Variants in SCARA5 observed in about 807,000 individuals in gnomAD.
SCARA5 encodes scavenger receptor class A, member 5 (putative).
A neutral mutation model predicts 46.3 loss-of-function variants in SCARA5; 45 were observed. The observed-to-expected ratio is 0.97, with a 90% CI of 0.76 to 1.24. The LOEUF is 1.24. Ranked by LOEUF, SCARA5 falls within the 50% of genes most tolerant of loss-of-function variation. The pLI is 0.00. For missense variants in SCARA5, 680 were observed against 689.0 expected, an observed-to-expected ratio of 0.99 and a Z score of 0.15; for synonymous variants, 333 against 306.5, an observed-to-expected ratio of 1.09 and a Z score of -0.90.
chr8:27,931,822 T>G (rs1382211141), intron 3 of SCARA5, among the ~76,000 whole-genome samples: 3 of 151,718 alleles, frequency 2.0e-5, no homozygotes, highest in African/African-American at 7.3e-5. Flanking sequence ...GCCTGGCTAA[T>G]TTTTGTATTT....
chr8:27,943,399 C>A (rs1380585539), intron 3 of SCARA5, among the ~76,000 whole-genome samples: 1 of 151,464 alleles, frequency 6.6e-6, no homozygotes, highest in Non-Finnish European at 1.5e-5. Flanking sequence ...GCACTGCACT[C>A]CAGCCTGGGT....
chr8:27,962,230 C>G (rs528558851), intron 3 of SCARA5, among the ~76,000 whole-genome samples: 1 of 152,286 alleles, frequency 6.6e-6, no homozygotes, highest in African/African-American at 2.4e-5. Flanking sequence ...ATTCACATAT[C>G]CTCATACAAG....
chr8:27,922,265 G>T lies in SCARA5; in HGVS notation c.242-20C>A. ...TGGACACTGCGGAGGAGGAAGAGGG[G>T]AGACTTGAGCACCGCTGGGGAGGAA... On this transcript the variant is annotated intron_variant, in intron 3 of 8. Coordinates refer to ENST00000354914, the MANE Select transcript of SCARA5 (RefSeq NM_173833.6). 1 of 1,499,236 alleles carries T rather than the reference G, an allele frequency of 6.7e-7. No individual in the cohort carries two copies. The highest frequency in any genetic ancestry group is 8.9e-7 in the Non-Finnish European group (1 of 1,123,232). The allele number at this position is 1,499,236 out of a possible 1,614,324, so 92.9% of individuals were successfully genotyped here.
At chr8:27,889,237 A>G (rs1806945186) in intron 7 of SCARA5, among the ~76,000 whole-genome samples, 3 of 152,204 alleles carry the variant, frequency 2.0e-5, no homozygotes, top group Non-Finnish European at 1.5e-5. Context: ...GCATTTTCTC[A>G]GGATATCACT....
chr8:27,988,386 A>G (rs1808736798), intron 1 of SCARA5, among the ~76,000 whole-genome samples: 1 of 152,204 alleles, frequency 6.6e-6, no homozygotes, highest in Admixed American at 6.5e-5. Context: ...GAGCATATAC[A>G]TTGACTTAGG....
At chr8:27,879,827 G>T in intron 7 of SCARA5, 61 bp from the exon 8 acceptor site, 2 of 1,545,402 alleles carry the variant, frequency 1.3e-6, no homozygotes, top group Non-Finnish European at 1.8e-6. Context: ...GCCCCCAGGG[G>T]CCTTCTTTGA....
intron 2 of SCARA5, among the ~76,000 whole-genome samples, chr8:27,967,345 C>A (rs904024905): frequency 6.6e-6 from 1 of 152,126 alleles, no homozygotes; most frequent in Non-Finnish European, 1.5e-5. Flanking sequence ...GCAGCAAATC[C>A]GGCCCCAGGA....
intron 3 of SCARA5, among the ~76,000 whole-genome samples, chr8:27,946,723 G>A (rs1019351334): frequency 2.6e-5 from 4 of 152,164 alleles, no homozygotes; most frequent in African/African-American, 9.7e-5. Flanking sequence ...GCACCACCAA[G>A]TGTGCCCAGG....
intron 3 of SCARA5, among the ~76,000 whole-genome samples, chr8:27,927,219 C>T (rs2129830899): frequency 6.6e-6 from 1 of 152,338 alleles, no homozygotes; most frequent in South Asian, 2.1e-4. Flanking sequence ...AAGGCCTGCT[C>T]ATCGGCTGCC....
At chr8:27,905,457 A>G (rs1395480245) in intron 6 of SCARA5, among the ~76,000 whole-genome samples, 1 of 147,114 alleles carries the variant, frequency 6.8e-6, no homozygotes, top group African/African-American at 2.5e-5. Context: ...GCCCATGGGC[A>G]TGCTGTCTGG....
intron 4 of SCARA5, among the ~76,000 whole-genome samples, chr8:27,913,505 C>T (rs1807411943): frequency 6.6e-6 from 1 of 152,238 alleles, no homozygotes; most frequent in Non-Finnish European, 1.5e-5. Context: ...TTCTTCTTTC[C>T]TGTCCCCCTT....
intron 5 of SCARA5, chr8:27,908,914 T>C (rs915654179): frequency 1.3e-5 from 2 of 152,192 alleles, no homozygotes; most frequent in Non-Finnish European, 2.9e-5. Context: ...AGGAAGCAGA[T>C]GGTTTGGAGG....
intron 1 of SCARA5, among the ~76,000 whole-genome samples, chr8:27,987,890 G>A (rs1264409601): frequency 1.3e-5 from 2 of 152,180 alleles, no homozygotes; most frequent in Non-Finnish European, 1.5e-5. Context: ...GGTGGGATGT[G>A]TCCATTCCTT....
chr8:27,932,021 C>G (rs1174517610), intron 3 of SCARA5, among the ~76,000 whole-genome samples: 1 of 151,970 alleles, frequency 6.6e-6, no homozygotes, highest in Non-Finnish European at 1.5e-5. Flanking sequence ...CTCTGTCACC[C>G]AGGCTGGAGT....
intron 3 of SCARA5, among the ~76,000 whole-genome samples, chr8:27,923,190 G>C (rs920747282): frequency 2.6e-5 from 4 of 152,212 alleles, no homozygotes; most frequent in African/African-American, 9.7e-5. Context: ...TCAGCTCCAG[G>C]ACTGCCTAAA....
At chr8:27,916,992 C>G (rs1437475228) in intron 4 of SCARA5, among the ~76,000 whole-genome samples, 2 of 152,164 alleles carry the variant, frequency 1.3e-5, no homozygotes, top group Non-Finnish European at 2.9e-5. Flanking sequence ...GCTGCCCCAT[C>G]CCTCCCACCA....
chr8:27,972,932 C>A (rs1808468593), intron 2 of SCARA5, among the ~76,000 whole-genome samples: 1 of 152,162 alleles, frequency 6.6e-6, no homozygotes, highest in Admixed American at 6.5e-5. Flanking sequence ...CATGTCAGAA[C>A]CTTGCATGCA....
chr8:27,946,568 CCATGCAGGCTG>C (rs1376440451), intron 3 of SCARA5, among the ~76,000 whole-genome samples: 1 of 152,228 alleles, frequency 6.6e-6, no homozygotes, highest in Non-Finnish European at 1.5e-5. Context: ...ATTGTTTAAG[CCATGCAGGCTG>C]CGGTATTTTG....
intron 2 of SCARA5, among the ~76,000 whole-genome samples, chr8:27,986,331 CTT>C (rs1274848836): frequency 6.6e-6 from 1 of 152,228 alleles, no homozygotes; most frequent in African/African-American, 2.4e-5. Context: ...GCTCGCCTGA[CTT>C]TATTATTCAC....
Sources: gnomAD v4.1 joint callset for allele counts (sites outside exome capture counted in the v4.1 genomes callset) on GRCh38, gnomAD v4.1.1 for gene constraint, MANE v1.5 for transcripts, NCBI Gene and HGNC (gene_info 2026-07-23, HGNC 2026-07-21) for gene names.